Variants in CCM2L observed in about 807,000 individuals in gnomAD.
The protein encoded by CCM2L is cerebral cavernous malformations 2 protein-like.
CCM2L carries 36 observed loss-of-function variants against 54.1 expected under a neutral mutation model. That is an observed-to-expected ratio of 0.67 (90% CI 0.51 to 0.88). CCM2L has a LOEUF of 0.88. Ranked by LOEUF, CCM2L falls within the 40% of genes least tolerant of loss-of-function variation. The pLI is 0.00. For missense variants in CCM2L, 700 were observed against 812.1 expected, an observed-to-expected ratio of 0.86 and a Z score of 1.68; for synonymous variants, 351 against 359.3, an observed-to-expected ratio of 0.98 and a Z score of 0.26.
In CCM2L at chr20:32,031,234, C is replaced by T; in HGVS notation, c.1636C>T (p.Pro546Ser). 1 of 1,298,952 alleles carries T rather than the reference C, an allele frequency of 7.7e-7. No individual in the cohort carries two copies. Among genetic ancestry groups the T allele is most frequent in the Non-Finnish European group, 1.0e-6 (1 of 988,498 alleles). 80.5% of individuals were successfully genotyped at this position (1,298,952 alleles called of 1,614,324 possible). A position where few individuals can be genotyped will look rare whatever the true frequency, so the allele number is the denominator to read the frequency against. ...DITHDIEALA[P>S]DDDDDDEDEP... ...CACGCACGACATCGAGGCGCTGGCC[C>T]CCGATGACGACGACGACGACGAGGA... is the stretch of plus-strand genomic sequence containing the variant. The change falls in exon 10 of 10, where the codon CCC becomes TCC. Residue 546 changes from proline (P) to serine (S), a missense_variant. Coordinates refer to ENST00000452892, the MANE Select transcript of CCM2L (RefSeq NM_001365692.1).
chr20:32,016,205 G>A (rs1400513719), intron 2 of CCM2L, among the ~76,000 whole-genome samples: 3 of 152,080 alleles, frequency 2.0e-5, no homozygotes, highest in Non-Finnish European at 4.4e-5. Context: ...AGCCTAAAAA[G>A]ATTGATATGG....
At chr20:32,017,626 C>T (rs1356386332) in intron 2 of CCM2L, among the ~76,000 whole-genome samples, 174 bp from the exon 3 acceptor site, 1 of 152,142 alleles carries the variant, frequency 6.6e-6, no homozygotes, top group Non-Finnish European at 1.5e-5. Context: ...ATATAGAGAG[C>T]GCTCAGAACT....
At chr20:32,010,592 C>G in intron 1 of CCM2L, 108 bp downstream of exon 1, 1 of 989,456 alleles carries the variant, frequency 1.0e-6, no homozygotes, top group Non-Finnish European at 1.6e-6. Flanking sequence ...ATAAGTGGAG[C>G]CTTTCTTCTC....
In CCM2L at chr20:32,020,430, T is replaced by A. The variant is rs1421914459; in HGVS notation, c.933+1021T>A. Among the ~76,000 whole-genome samples, 3 of 152,342 alleles carry A rather than the reference T, an allele frequency of 2.0e-5. No individual in the cohort carries two copies. In the South Asian group the frequency reaches 6.2e-4, roughly 32 times the overall value. The stretch of plus-strand genomic sequence containing the variant: ...AGTGCCCCAGACTTTGTCCTTGATC[T>A]TCTTCTCTCCTCCATCTATCCTTCA... On this transcript the variant is annotated intron_variant, in intron 5 of 9. Coordinates refer to ENST00000452892, the MANE Select transcript of CCM2L (RefSeq NM_001365692.1).
chr20:32,031,338 G>A lies in CCM2L; in HGVS notation c.*24G>A. 8.0e-7 allele frequency: 1 copy of A among 1,252,868 alleles called. No homozygotes were observed. Among genetic ancestry groups the A allele is most frequent in the Non-Finnish European group, 1.0e-6 (1 of 971,822 alleles). The allele number at this position is 1,252,868 out of a possible 1,614,324, so 77.6% of individuals were successfully genotyped here. A position where few individuals can be genotyped will look rare whatever the true frequency, so the allele number is the denominator to read the frequency against. On this transcript the variant is annotated 3_prime_UTR_variant, in exon 10 of 10. Coordinates refer to ENST00000452892, the MANE Select transcript of CCM2L (RefSeq NM_001365692.1). ...AGCCACCGCCCCTGCGGACGGCGTGGCTCAGCAGCCCACCTCTGAGTCTCA... is the reference window on the plus strand; with the variant it reads ...AGCCACCGCCCCTGCGGACGGCGTGACTCAGCAGCCCACCTCTGAGTCTCA...
At position 32,029,745 on chromosome 20, in the gene CCM2L, C is replaced by G; in HGVS notation, c.1309C>G (p.Leu437Val). The G allele has an allele frequency of 1.2e-6, 2 of 1,613,500 alleles. No individual in the cohort carries two copies. The highest frequency in any genetic ancestry group is 1.7e-6 in the Non-Finnish European group (2 of 1,179,646). ...GPLEIQQFAM[L>V]LREYRLGLPI... ...CCTCGAGATCCAGCAGTTTGCGATG[C>G]TGCTGCGGGAGTACCGGCTGGGGCT... The change falls in exon 9 of 10, where the codon CTG becomes GTG. Residue 437 changes from leucine to valine, a missense_variant. Coordinates refer to ENST00000452892, the MANE Select transcript of CCM2L (RefSeq NM_001365692.1).
At chr20:32,015,128 T>C (rs1261593001) in intron 2 of CCM2L, 57 bp downstream of exon 2, 10 of 1,415,732 alleles carry the variant, frequency 7.1e-6, no homozygotes, top group Non-Finnish European at 8.4e-6. Context: ...CCTTCACTTC[T>C]CCTTGACACC....
chr20:32,016,683 T>C (rs1283411973), intron 2 of CCM2L, among the ~76,000 whole-genome samples: 1 of 152,146 alleles, frequency 6.6e-6, no homozygotes, highest in Non-Finnish European at 1.5e-5. Flanking sequence ...ATTGTTGTTT[T>C]CAAGTTCAAA....
At chr20:32,015,729 G>C (rs1600673259) in intron 2 of CCM2L, among the ~76,000 whole-genome samples, 1 of 152,160 alleles carries the variant, frequency 6.6e-6, no homozygotes, top group South Asian at 2.1e-4. Flanking sequence ...TTTAACACAA[G>C]TGACTCCATT....
chr20:32,029,512 C>A (rs1169173992), intron 8 of CCM2L, among the ~76,000 whole-genome samples, 188 bp from the exon 9 acceptor site: 1 of 152,180 alleles, frequency 6.6e-6, no homozygotes, highest in Non-Finnish European at 1.5e-5. Flanking sequence ...TGCACTCAGG[C>A]AGCTTGAGTC....
chr20:32,025,958 C>T lies in CCM2L; in HGVS notation c.1133+39C>T, dbSNP rs1015379879. Reference sequence around the variant, plus strand: ...CTGTCAGGGACTCCACCCTGCTCCCCTACCCCTGCACAAACAGGGTGACTA... The same window carrying T: ...CTGTCAGGGACTCCACCCTGCTCCCTTACCCCTGCACAAACAGGGTGACTA... On this transcript the variant is annotated intron_variant, in intron 7 of 9. Coordinates refer to ENST00000452892, the MANE Select transcript of CCM2L (RefSeq NM_001365692.1). 6 of 1,289,152 alleles carry T rather than the reference C, an allele frequency of 4.7e-6. No homozygotes were observed. In the African/African-American group the frequency reaches 7.6e-5, roughly 16 times the overall value. 79.9% of individuals were successfully genotyped at this position (1,289,152 alleles called of 1,614,324 possible). A position where few individuals can be genotyped will look rare whatever the true frequency, so the allele number is the denominator to read the frequency against.
At position 32,018,126 on chromosome 20, in the gene CCM2L, C is replaced by A; in HGVS notation, c.430C>A (p.Gln144Lys). The A allele has an allele frequency of 1.2e-6, 2 of 1,604,826 alleles. No homozygotes were observed. Among genetic ancestry groups the A allele is most frequent in the Middle Eastern group, 4.2e-4 (2 of 4,758 alleles). Reference sequence around the variant, plus strand: ...CGAGATCGCCGCCGCCTCCTACCTGCAGGACGACGCGCTGCACCTGCTAGT... The same window carrying A: ...CGAGATCGCCGCCGCCTCCTACCTGAAGGACGACGCGCTGCACCTGCTAGT... ...THEIAAASYL[Q>K]DDALHLLVLK... Residue 144 changes from glutamine (Q) to lysine (K), a missense_variant, in exon 4 of 10, where the codon CAG becomes AAG. Coordinates refer to ENST00000452892, the MANE Select transcript of CCM2L (RefSeq NM_001365692.1).
Position 32,016,631 on chromosome 20 carries a change from G to A in CCM2L, c.199-1169G>A, listed in dbSNP as rs1035690767. ...AGCTCACACTGCTGCACTCCAGCCCGGGCGACAGTGCGAGACTCCAGCCCC... is the reference window on the plus strand; with the variant it reads ...AGCTCACACTGCTGCACTCCAGCCCAGGCGACAGTGCGAGACTCCAGCCCC... On this transcript the variant is annotated intron_variant, in intron 2 of 9. Coordinates refer to ENST00000452892, the MANE Select transcript of CCM2L (RefSeq NM_001365692.1). 5.9e-5 allele frequency among the ~76,000 whole-genome samples: 9 copies of A among 151,926 alleles called. No individual in the cohort carries two copies. In the East Asian group the frequency reaches 1.4e-3, roughly 23 times the overall value.
chr20:32,018,178 GCGGGGGCGGGGGAGGGGC>G lies in CCM2L; in HGVS notation c.466+17_466+34del. ...CTCAAGACCGGTGCGGCGGGAGGGG[GCGGGGGCGGGGGAGGGGC>G]GGGGGCGGGGGCGGGGGAGGGGCGG... On this transcript the variant is annotated intron_variant, in intron 4 of 9. Coordinates refer to ENST00000452892, the MANE Select transcript of CCM2L (RefSeq NM_001365692.1). 1.0e-6 allele frequency: 1 copy of G among 981,378 alleles called. No individual in the cohort carries two copies. The highest frequency in any genetic ancestry group is 1.3e-6 in the Non-Finnish European group (1 of 795,632). 60.8% of individuals were successfully genotyped at this position (981,378 alleles called of 1,614,324 possible). A position where few individuals can be genotyped will look rare whatever the true frequency, so the allele number is the denominator to read the frequency against.
At chr20:32,028,837 G>A in intron 7 of CCM2L, 158 bp from the exon 8 acceptor site, 1 of 886,186 alleles carries the variant, frequency 1.1e-6, no homozygotes, top group East Asian at 2.7e-5. Context: ...GCAAAGGCAA[G>A]CACAGTGACA....
At chr20:32,025,047 CTCTTTCTTCTTCTTTCTTTCTT>C (rs2064841230) in intron 6 of CCM2L, among the ~76,000 whole-genome samples, 1 of 150,928 alleles carries the variant, frequency 6.6e-6, no homozygotes, top group African/African-American at 2.5e-5. Flanking sequence ...GTTTCTTCCT[CTCTTTCTTCTTCTTTCTTTCTT>C]TCTTTCTTTC....
In CCM2L at chr20:32,031,239, T is replaced by TGAC. The variant is rs139704146; in HGVS notation, c.1656_1658dup (p.Asp552dup). 28,230 of 1,298,986 alleles carry TGAC rather than the reference T, an allele frequency of 0.022. 607 individuals are homozygous for TGAC. The highest frequency in any genetic ancestry group is 0.09 in the African/African-American group (5,931 of 65,848). The allele number at this position is 1,298,986 out of a possible 1,614,324, so 80.5% of individuals were successfully genotyped here. A position where few individuals can be genotyped will look rare whatever the true frequency, so the allele number is the denominator to read the frequency against. ...ACGACATCGAGGCGCTGGCCCCCGATGACGACGACGACGACGAGGATGAGC... is the reference window on the plus strand; with the variant it reads ...ACGACATCGAGGCGCTGGCCCCCGATGACGACGACGACGACGACGAGGATGAGC... On this transcript the variant is annotated inframe_insertion, in exon 10 of 10. Transcript: ENST00000452892.
chr20:32,020,686 ATAAATCCTGTTGGCTCTTATTTT>A (rs1447367757), intron 5 of CCM2L, among the ~76,000 whole-genome samples: 4 of 152,168 alleles, frequency 2.6e-5, no homozygotes, highest in African/African-American at 9.7e-5. Flanking sequence ...CACTCTGTCA[ATAAATCCTGTTGGCTCTTATTTT>A]TAAAACATAA....
At chr20:32,012,190 G>T (rs1364353063) in intron 1 of CCM2L, among the ~76,000 whole-genome samples, 1 of 152,042 alleles carries the variant, frequency 6.6e-6, no homozygotes, top group Non-Finnish European at 1.5e-5. Context: ...AATCACCTGA[G>T]GGCTCATTAA....
Sources: gnomAD v4.1 joint callset for allele counts (sites outside exome capture counted in the v4.1 genomes callset) on GRCh38, gnomAD v4.1.1 for gene constraint, MANE v1.5 for transcripts, NCBI Gene and HGNC (gene_info 2026-07-23, HGNC 2026-07-21) for gene names.